The following ANTXR1 variants were observed in gnomAD, a reference collection of about 807,000 sequenced individuals.
ANTXR1 encodes the protein ANTXR cell adhesion molecule 1, also known as anthrax toxin receptor 1.
Under a neutral mutation model 78.1 loss-of-function variants are expected in ANTXR1, and 19 were observed. The observed-to-expected ratio is 0.24, with a 90% CI of 0.17 to 0.36. The LOEUF is 0.36. ANTXR1 is among the 10% of genes least tolerant of loss of function. ANTXR1 has a pLI of 1.00. For synonymous variants in ANTXR1, 273 were observed against 260.5 expected (o/e 1.05, Z -0.46); for missense variants, 518 against 718.6 (o/e 0.72, Z 3.19).
At chr2:69,195,783 A>C (rs576563558) in intron 17 of ANTXR1, among the ~76,000 whole-genome samples, 17 of 152,210 alleles carry the variant, frequency 1.1e-4, no homozygotes, top group Non-Finnish European at 2.4e-4. Context: ...AATAATAATA[A>C]GATCCCTAAA....
chr2:69,110,890 A>T (rs955802000), intron 10 of ANTXR1, among the ~76,000 whole-genome samples: 1 of 152,158 alleles, frequency 6.6e-6, no homozygotes, highest in African/African-American at 2.4e-5. Flanking sequence ...CAATACACTG[A>T]CACTATTTTT....
intron 10 of ANTXR1, among the ~76,000 whole-genome samples, chr2:69,104,188 C>T (rs1671730111): frequency 6.6e-6 from 1 of 152,166 alleles, no homozygotes. Flanking sequence ...ATCCACCCGC[C>T]TCGGCTTCCC....
At chr2:69,031,419 A>G (rs7608759) in intron 1 of ANTXR1, among the ~76,000 whole-genome samples, 36,887 of 152,174 alleles carry the variant, frequency 0.24, 8,312 homozygotes, top group African/African-American at 0.58. Flanking sequence ...ATGTGAAAAA[A>G]TTATGGCTTA....
At chr2:69,193,459 TCACATACA>T (rs1198240173) in intron 17 of ANTXR1, 44 bp downstream of exon 17, 87 of 1,044,994 alleles carry the variant, frequency 8.3e-5, no homozygotes, top group African/African-American at 2.6e-4. Flanking sequence ...TCTCTCTCTC[TCACATACA>T]CACACACACA....
At chr2:69,085,087 T>C (rs534964986) in intron 8 of ANTXR1, among the ~76,000 whole-genome samples, 38 of 152,148 alleles carry the variant, frequency 2.5e-4, no homozygotes, top group African/African-American at 8.4e-4. Context: ...TTAAATCATT[T>C]CAAAATTCAT....
rs1445585484 is a variant in ANTXR1 at position 69,247,197 on chromosome 2, GATGAACCCAACAGTCAGATGAGAGAA to G, written c.*1721_*1746del. On this transcript the variant is annotated 3_prime_UTR_variant, in exon 18 of 18. Transcript: ENST00000303714. ...CCAAAGAGCCGCCACTCAACAGTCA[GATGAACCCAACAGTCAGATGAGAGAA>G]ATGAACCCTACTTGCTATCTCTATC... The G allele has an allele frequency of 6.5e-6, 1 of 152,682 alleles. No homozygotes were observed. The highest frequency in any genetic ancestry group is 1.5e-5 in the Non-Finnish European group (1 of 68,056). The allele number at this position is 152,682 out of a possible 1,614,324, so 9.5% of individuals were successfully genotyped here.
chr2:69,131,472 T>C (rs373522726), intron 12 of ANTXR1, among the ~76,000 whole-genome samples: 41 of 152,338 alleles, frequency 2.7e-4, no homozygotes, highest in Middle Eastern at 3.4e-3. Context: ...GGCTGCCATA[T>C]AGAGGTAGTT....
intron 17 of ANTXR1, among the ~76,000 whole-genome samples, chr2:69,197,729 C>A (rs11891580): frequency 1.6e-4 from 25 of 152,308 alleles, no homozygotes; most frequent in African/African-American, 6.0e-4. Context: ...CAGGATGGTC[C>A]AGGATGGTCC....
chr2:69,198,523 A>T (rs1455380626), intron 17 of ANTXR1, among the ~76,000 whole-genome samples: 7 of 152,220 alleles, frequency 4.6e-5, no homozygotes, highest in Admixed American at 4.6e-4. Context: ...AGTATGTGGT[A>T]CTTAATCCTT....
At chr2:69,238,100 C>T (rs1275937753) in intron 17 of ANTXR1, among the ~76,000 whole-genome samples, 3 of 152,212 alleles carry the variant, frequency 2.0e-5, no homozygotes, top group African/African-American at 7.2e-5. Context: ...CAGCTTCCCA[C>T]TTTACATTCC....
At chr2:69,026,731 T>A (rs1671355842) in intron 1 of ANTXR1, among the ~76,000 whole-genome samples, 1 of 152,230 alleles carries the variant, frequency 6.6e-6, no homozygotes, top group East Asian at 1.9e-4. Context: ...GCTGAGGGGC[T>A]TAATGGGAGA....
chr2:69,047,175 G>A (rs1422534707), intron 3 of ANTXR1, among the ~76,000 whole-genome samples: 1 of 152,140 alleles, frequency 6.6e-6, no homozygotes, highest in Non-Finnish European at 1.5e-5. Flanking sequence ...GGTATACTCA[G>A]GGATCATGAA....
At chr2:69,061,569 A>T (rs950900783) in intron 3 of ANTXR1, among the ~76,000 whole-genome samples, 3 of 152,132 alleles carry the variant, frequency 2.0e-5, no homozygotes, top group Non-Finnish European at 2.9e-5. Flanking sequence ...AGAGCTTCCA[A>T]CAAGGCTTTT....
chr2:69,137,613 C>A (rs943472384), intron 12 of ANTXR1, among the ~76,000 whole-genome samples: 2 of 151,652 alleles, frequency 1.3e-5, no homozygotes, highest in Non-Finnish European at 2.9e-5. Context: ...TTGTAGAGAC[C>A]CTATCTCTAC....
At chr2:69,140,507 T>G (rs187307821) in intron 12 of ANTXR1, among the ~76,000 whole-genome samples, 15 of 152,358 alleles carry the variant, frequency 9.8e-5, no homozygotes, top group Non-Finnish European at 1.9e-4. Flanking sequence ...TCATTTGATT[T>G]CTAAAACCCC....
At chr2:69,071,602 GC>G in intron 4 of ANTXR1, 151 bp from the exon 5 acceptor site, 1 of 753,358 alleles carries the variant, frequency 1.3e-6, no homozygotes, top group Non-Finnish European at 2.4e-6. Context: ...ATGGATATCA[GC>G]CACTGATAAT....
chr2:69,152,082 A>C lies in ANTXR1; in HGVS notation c.952-87A>C, dbSNP rs540044702. 96 of 1,321,046 alleles carry C rather than the reference A, an allele frequency of 7.3e-5. 1 individual carries two copies. In the Middle Eastern group the frequency reaches 3.6e-3, roughly 50 times the overall value. 81.8% of individuals were successfully genotyped at this position (1,321,046 alleles called of 1,614,324 possible). On this transcript the variant is annotated intron_variant, in intron 12 of 17. Transcript: ENST00000303714. ...AACTGTGCTGCTCTCTGAGCCTTAA[A>C]TCTGCATATCAGTGATGGGAGTTTG...
At chr2:69,212,739 C>A (rs541141192) in intron 17 of ANTXR1, among the ~76,000 whole-genome samples, 2 of 152,010 alleles carry the variant, frequency 1.3e-5, no homozygotes, top group African/African-American at 4.8e-5. Context: ...CTAGCCTTGA[C>A]CTCTGGGACT....
At chr2:69,159,057 T>C (rs1673606793) in intron 13 of ANTXR1, among the ~76,000 whole-genome samples, 1 of 152,142 alleles carries the variant, frequency 6.6e-6, no homozygotes, top group Non-Finnish European at 1.5e-5. Context: ...CCCACAGACC[T>C]ATGGAACTGT....
Sources: allele counts gnomAD v4.1 joint callset (sites outside exome capture counted in the v4.1 genomes callset), GRCh38; gene constraint gnomAD v4.1.1; transcripts MANE v1.5; gene names NCBI Gene and HGNC (gene_info 2026-07-23, HGNC 2026-07-21).